The following SPOCK1 variants were observed in gnomAD, a reference collection of about 807,000 sequenced individuals.
SPOCK1 encodes the protein SPARC (osteonectin), cwcv and kazal like domains proteoglycan 1, also known as testican-1.
In SPOCK1, 23 loss-of-function variants were observed where a neutral mutation model predicts 55.3. The observed-to-expected ratio is 0.42, with a 90% CI of 0.30 to 0.59. SPOCK1 has a LOEUF of 0.59. SPOCK1 is among the 20% of genes least tolerant of loss of function. The probability of loss-of-function intolerance (pLI) is 0.22; values close to 1 mark genes in which losing one functional copy is unlikely to be tolerated. For synonymous variants in SPOCK1, 226 were observed against 221.0 expected (o/e 1.02, Z -0.20); for missense variants, 499 against 552.5 (o/e 0.90, Z 0.97).
chr5:137,498,961 G>A (rs75323591), intron 1 of SPOCK1, among the ~76,000 whole-genome samples: 48,230 of 151,748 alleles, frequency 0.32, 8,601 homozygotes, highest in South Asian at 0.47. Context: ...CAGGGCTCCA[G>A]CAGCACCCGA....
At chr5:136,996,238 G>A (rs1751038134) in intron 6 of SPOCK1, among the ~76,000 whole-genome samples, 2 of 152,126 alleles carry the variant, frequency 1.3e-5, no homozygotes, top group Non-Finnish European at 2.9e-5. Flanking sequence ...AATGTTCGTG[G>A]GGTGAAAAAT....
rs145932231 is a variant in SPOCK1, at chr5:137,316,931, C to T, written c.187-49876G>A. On this transcript the variant is annotated intron_variant, in intron 2 of 10. Transcript: ENST00000394945. Reference sequence around the variant, plus strand: ...GAGGAGATCCATTTAAGAACCAAAGCCCCCATGGTGCCTCATCATCTAAGA... The same window carrying T: ...GAGGAGATCCATTTAAGAACCAAAGTCCCCATGGTGCCTCATCATCTAAGA... Among the ~76,000 whole-genome samples, 12 of 152,310 alleles carry T rather than the reference C, an allele frequency of 7.9e-5. 1 individual carries two copies. The East Asian group carries it at 2.3e-3, about 29-fold the overall frequency.
chr5:137,056,146 C>G (rs944201124), intron 6 of SPOCK1, among the ~76,000 whole-genome samples: 67 of 152,294 alleles, frequency 4.4e-4, no homozygotes, highest in African/African-American at 1.5e-3. Context: ...CAGCAGCCAA[C>G]AGGCTGTAGG....
At chr5:137,075,487 G>A (rs1253070730) in intron 5 of SPOCK1, among the ~76,000 whole-genome samples, 1 of 152,222 alleles carries the variant, frequency 6.6e-6, no homozygotes, top group Non-Finnish European at 1.5e-5. Context: ...AAGTGATCCA[G>A]GTTTTCCAGA....
At chr5:137,212,694 G>C (rs1434004122) in intron 3 of SPOCK1, among the ~76,000 whole-genome samples, 1 of 152,200 alleles carries the variant, frequency 6.6e-6, no homozygotes, top group Non-Finnish European at 1.5e-5. Flanking sequence ...AAGGCAAGGA[G>C]ACTTAGTCCT....
At chr5:137,031,913 GATAC>G (rs1440770071) in intron 6 of SPOCK1, among the ~76,000 whole-genome samples, 2 of 150,798 alleles carry the variant, frequency 1.3e-5, no homozygotes, top group Non-Finnish European at 2.9e-5. Flanking sequence ...TTACAATATA[GATAC>G]ATACACACAC....
intron 3 of SPOCK1, among the ~76,000 whole-genome samples, chr5:137,258,717 G>A (rs1369995285): frequency 6.6e-6 from 1 of 152,134 alleles, no homozygotes; most frequent in Non-Finnish European, 1.5e-5. Context: ...TTATGAGTTT[G>A]GGGAAAGGTA....
chr5:137,134,260 A>G (rs1008556469), intron 4 of SPOCK1, among the ~76,000 whole-genome samples: 2 of 152,252 alleles, frequency 1.3e-5, no homozygotes, highest in Admixed American at 6.5e-5. Context: ...AACACAAGAT[A>G]GGTGGTCAGT....
chr5:137,460,941 G>A lies in SPOCK1; in HGVS notation c.186+37432C>T, dbSNP rs567749227. Among the ~76,000 whole-genome samples the A allele has an allele frequency of 2.4e-3, 369 of 152,218 alleles. 7 individuals carry two copies. The highest frequency in any genetic ancestry group is 0.02 in the Middle Eastern group (6 of 294). ...ACTCAACTTTCTACAAGGCCTTCCT[G>A]GCTGCTCTTATTTAACTTTTGTGCC... On this transcript the variant is annotated intron_variant, in intron 2 of 10. Coordinates refer to ENST00000394945, the MANE Select transcript of SPOCK1 (RefSeq NM_004598.4).
chr5:137,372,400 C>T (rs1020588597), intron 2 of SPOCK1, among the ~76,000 whole-genome samples: 1 of 152,172 alleles, frequency 6.6e-6, no homozygotes, highest in East Asian at 1.9e-4. Flanking sequence ...GGATGCAAAC[C>T]CCTTCCTGCA....
chr5:137,066,480 C>A (rs1752506978), intron 6 of SPOCK1, among the ~76,000 whole-genome samples: 1 of 152,250 alleles, frequency 6.6e-6, no homozygotes, highest in East Asian at 1.9e-4. Context: ...AAGCAATAAA[C>A]AATATACCTA....
intron 2 of SPOCK1, among the ~76,000 whole-genome samples, chr5:137,403,362 C>A (rs1237371963): frequency 6.6e-6 from 1 of 152,132 alleles, no homozygotes; most frequent in African/African-American, 2.4e-5. Context: ...CATCCAACAA[C>A]ACATATTTAT....
At chr5:137,090,467 C>A (rs375181105) in intron 5 of SPOCK1, among the ~76,000 whole-genome samples, 1 of 152,196 alleles carries the variant, frequency 6.6e-6, no homozygotes, top group Non-Finnish European at 1.5e-5. Flanking sequence ...GAACAACCAA[C>A]CTTCCACTGG....
chr5:137,360,741 C>T (rs972041472), intron 2 of SPOCK1, among the ~76,000 whole-genome samples: 3 of 152,212 alleles, frequency 2.0e-5, no homozygotes, highest in African/African-American at 7.2e-5. Flanking sequence ...AGACTGTCTA[C>T]CATCCCAAAG....
In SPOCK1 at chr5:137,156,952, T is replaced by C. The variant is rs192119930; in HGVS notation, c.233-16258A>G. Among the ~76,000 whole-genome samples the C allele has an allele frequency of 2.8e-3, 424 of 152,162 alleles. 2 individuals are homozygous for C. The highest frequency in any genetic ancestry group is 9.6e-3 in the African/African-American group (397 of 41,478). On this transcript the variant is annotated intron_variant, in intron 3 of 10. Coordinates refer to ENST00000394945, the MANE Select transcript of SPOCK1 (RefSeq NM_004598.4). ...AAAATAAGGTGTTAGCAGTAAGAAA[T>C]TAAGGAATATCACACAAAAATCTAT...
chr5:137,179,355 T>G (rs1002662049), intron 3 of SPOCK1, among the ~76,000 whole-genome samples: 2 of 152,152 alleles, frequency 1.3e-5, no homozygotes, highest in Non-Finnish European at 2.9e-5. Flanking sequence ...GCACAGCCAT[T>G]TGCTCTCCCT....
intron 2 of SPOCK1, among the ~76,000 whole-genome samples, chr5:137,435,357 A>T (rs1259104564): frequency 6.6e-6 from 1 of 152,262 alleles, no homozygotes; most frequent in Non-Finnish European, 1.5e-5. Context: ...TCTAAAAGTT[A>T]TACCAATCTA....
At chr5:137,276,198 T>C (rs1757063720) in intron 2 of SPOCK1, among the ~76,000 whole-genome samples, 1 of 152,226 alleles carries the variant, frequency 6.6e-6, no homozygotes, top group African/African-American at 2.4e-5. Context: ...TGAACTACGT[T>C]TTAATCCTGC....
At chr5:137,112,308 C>A in intron 5 of SPOCK1, 127 bp downstream of exon 5, 1 of 1,179,070 alleles carries the variant, frequency 8.5e-7, no homozygotes, top group Admixed American at 2.4e-5. Context: ...TCTGCTAATG[C>A]AGCAGCTTCT....
Sources: allele counts gnomAD v4.1 joint callset (sites outside exome capture counted in the v4.1 genomes callset), GRCh38; gene constraint gnomAD v4.1.1; transcripts MANE v1.5; gene names NCBI Gene and HGNC (gene_info 2026-07-23, HGNC 2026-07-21).